Variants in KATNIP observed in about 807,000 individuals in gnomAD.
KATNIP encodes the protein katanin-interacting protein.
A neutral mutation model predicts 174.0 loss-of-function variants in KATNIP; 126 were observed. The observed-to-expected ratio is 0.72, with a 90% CI of 0.63 to 0.84. The LOEUF is 0.84. KATNIP is among the 40% of genes least tolerant of loss of function. The pLI, the probability that KATNIP is intolerant of heterozygous loss-of-function variation, is 0.00. For missense variants in KATNIP, 1,958 were observed against 2,109.7 expected, an observed-to-expected ratio of 0.93 and a Z score of 1.41; for synonymous variants, 810 against 835.7, an observed-to-expected ratio of 0.97 and a Z score of 0.53.
chr16:27,771,139 C>T (rs2082283441), intron 21 of KATNIP, among the ~76,000 whole-genome samples: 1 of 152,140 alleles, frequency 6.6e-6, no homozygotes, highest in Non-Finnish European at 1.5e-5. Context: ...ACAGCGTGGA[C>T]CCTCCTTGTG....
chr16:27,649,670 C>T (rs2077061168), intron 6 of KATNIP, among the ~76,000 whole-genome samples: 1 of 152,104 alleles, frequency 6.6e-6, no homozygotes, highest in African/African-American at 2.4e-5. Flanking sequence ...TGTTCTTAAG[C>T]AACCTGTGCT....
rs769863030 is a variant in KATNIP at position 27,740,418 on chromosome 16, G to T, written c.2121G>T (p.Ser707=). Residue 707 remains serine (S), a synonymous_variant, in exon 15 of 28, where the codon TCG becomes TCT. Coordinates refer to ENST00000261588, the MANE Select transcript of KATNIP (RefSeq NM_015202.5). ...TGAGACTGTCGGCAGTCCCCACTTC[G>T]ATGGGTGACATGCCCAGTGCTCCTG... is the stretch of plus-strand genomic sequence containing the variant. ...EYLRLSAVPT[S]MGDMPSAPAT... is the part of the protein sequence containing the mutation. 32 of 1,613,880 alleles carry T rather than the reference G, an allele frequency of 2.0e-5. No individual in the cohort carries two copies. In the East Asian group the frequency reaches 2.2e-4, roughly 11 times the overall value.
intron 2 of KATNIP, among the ~76,000 whole-genome samples, chr16:27,581,818 C>T (rs893745605): frequency 6.6e-6 from 1 of 152,186 alleles, no homozygotes; most frequent in Non-Finnish European, 1.5e-5. Context: ...GCTTAGCTCC[C>T]ACTTGTAAGT....
chr16:27,691,976 A>C (rs2078751282), intron 8 of KATNIP, among the ~76,000 whole-genome samples: 1 of 152,240 alleles, frequency 6.6e-6, no homozygotes, highest in African/African-American at 2.4e-5. Context: ...GCTATCTCAG[A>C]GGCCTCTTGT....
chr16:27,658,929 A>AT (rs545255424), intron 6 of KATNIP, among the ~76,000 whole-genome samples: 113 of 144,194 alleles, frequency 7.8e-4, no homozygotes, highest in South Asian at 1.3e-3. Context: ...TGCCCAGCTA[A>AT]TTTTTTTTTT....
intron 2 of KATNIP, among the ~76,000 whole-genome samples, chr16:27,601,220 CA>C (rs778185310): frequency 4.6e-5 from 7 of 152,154 alleles, no homozygotes; most frequent in Non-Finnish European, 1.0e-4. Flanking sequence ...CTGGGAGACA[CA>C]GCAGTGAGCA....
At chr16:27,609,088 A>C (rs565209240) in intron 2 of KATNIP, among the ~76,000 whole-genome samples, 111 of 152,194 alleles carry the variant, frequency 7.3e-4, no homozygotes, top group Non-Finnish European at 9.9e-4. Context: ...CCCAGGTAAC[A>C]TTTCAACTTT....
intron 5 of KATNIP, among the ~76,000 whole-genome samples, chr16:27,640,591 T>C (rs2076762171): frequency 6.6e-6 from 1 of 152,168 alleles, no homozygotes; most frequent in Non-Finnish European, 1.5e-5. Flanking sequence ...CTGGACCACA[T>C]TAATTTTGTC....
chr16:27,615,460 T>G (rs2076014251), intron 2 of KATNIP, among the ~76,000 whole-genome samples: 1 of 152,140 alleles, frequency 6.6e-6, no homozygotes, highest in Non-Finnish European at 1.5e-5. Flanking sequence ...GTTCAAGCGA[T>G]TCTCCTGCCT....
chr16:27,626,484 G>C (rs1380258427), intron 3 of KATNIP, among the ~76,000 whole-genome samples: 1 of 152,184 alleles, frequency 6.6e-6, no homozygotes, highest in Non-Finnish European at 1.5e-5. Flanking sequence ...AAGTTTGCCA[G>C]TTTCAACATC....
intron 19 of KATNIP, among the ~76,000 whole-genome samples, chr16:27,764,201 G>C (rs754513552): frequency 6.6e-6 from 1 of 152,198 alleles, no homozygotes; most frequent in Non-Finnish European, 1.5e-5. Flanking sequence ...ATTCAGATGG[G>C]AAAGGCAGCC....
At position 27,776,438 on chromosome 16, in the gene KATNIP, C is replaced by G. The variant is rs2082501441; in HGVS notation, c.4450-490C>G. ...CTAGACAGCCCCCTTTTTACTCCCCCAGCGGAGGTTCACAGACACGCCCTG... is the reference window on the plus strand; with the variant it reads ...CTAGACAGCCCCCTTTTTACTCCCCGAGCGGAGGTTCACAGACACGCCCTG... On this transcript the variant is annotated intron_variant, in intron 24 of 27. Coordinates refer to ENST00000261588, the MANE Select transcript of KATNIP (RefSeq NM_015202.5). This position sits in a 1 kb window ranked among gnomAD's most constrained non-coding sequence, Gnocchi z 4.7. 6.6e-6 allele frequency among the ~76,000 whole-genome samples: 1 copy of G among 152,202 alleles called. No individual in the cohort carries two copies. Among genetic ancestry groups the G allele is most frequent in the Non-Finnish European group, 1.5e-5 (1 of 68,036 alleles).
rs748977076 is a variant in KATNIP, at chr16:27,699,514, A to T, written c.1114-20A>T. The stretch of plus-strand genomic sequence containing the variant: ...AATGGCTTTGTTCCAACATCACATC[A>T]TGTGATCACATCCTTCCAGGATGCA... On this transcript the variant is annotated intron_variant, in intron 9 of 27. Coordinates refer to ENST00000261588, the MANE Select transcript of KATNIP (RefSeq NM_015202.5). 1.2e-6 allele frequency: 2 copies of T among 1,613,862 alleles called. No homozygotes were observed. The highest frequency in any genetic ancestry group is 1.7e-6 in the Non-Finnish European group (2 of 1,179,870).
At position 27,698,339 on chromosome 16, in the gene KATNIP, C is replaced by G. The variant is rs746719915; in HGVS notation, c.952C>G (p.Arg318Gly). Reference protein sequence around the residue: ...QERMCSRPGSRRERPLSATRK... With the variant: ...QERMCSRPGSGRERPLSATRK... ...TCTTCTGCCCTCAGGACCTGGAAGC[C>G]GGCGAGAGAGACCCCTGTCTGCAAC... The change falls in exon 9 of 28, where the codon CGG becomes GGG. Residue 318 changes from arginine to glycine, a missense_variant. Arg to Gly is a moderately radical substitution (Grantham distance 125). Around this residue, in one of 3 missense-constraint regions of KATNIP, gnomAD observed 1,557 missense variants for 1,617.8 expected, o/e 0.96. Coordinates refer to ENST00000261588, the MANE Select transcript of KATNIP (RefSeq NM_015202.5). 1.9e-6 allele frequency: 3 copies of G among 1,608,944 alleles called. No homozygotes were observed. The South Asian group carries it at 3.3e-5, about 18-fold the overall frequency.
intron 19 of KATNIP, among the ~76,000 whole-genome samples, chr16:27,763,888 G>A (rs1192278067): frequency 1.3e-5 from 2 of 152,074 alleles, no homozygotes; most frequent in Non-Finnish European, 2.9e-5. Flanking sequence ...CATCTCTATG[G>A]TATTGTTTAG....
chr16:27,771,990 T>C (rs2082324115), intron 22 of KATNIP, among the ~76,000 whole-genome samples: 1 of 152,090 alleles, frequency 6.6e-6, no homozygotes, highest in Admixed American at 6.5e-5. Context: ...AGAAATAACT[T>C]GGCAATCCAG....
intron 1 of KATNIP, among the ~76,000 whole-genome samples, chr16:27,558,145 T>C (rs2089706254): frequency 6.6e-6 from 1 of 152,170 alleles, no homozygotes; most frequent in East Asian, 1.9e-4. Flanking sequence ...CTTATTCTTT[T>C]TGTTTGTTTT....
intron 2 of KATNIP, among the ~76,000 whole-genome samples, chr16:27,609,116 G>A (rs1159778883): frequency 6.6e-6 from 1 of 152,034 alleles, no homozygotes; most frequent in African/African-American, 2.4e-5. Flanking sequence ...CTGCTCAAAT[G>A]TGTCCTCATG....
chr16:27,660,995 A>G (rs2077457924), intron 6 of KATNIP, among the ~76,000 whole-genome samples: 2 of 152,208 alleles, frequency 1.3e-5, no homozygotes, highest in Admixed American at 1.3e-4. Context: ...GATTGAATCA[A>G]TGAGTGAGTG....
Sources: allele counts gnomAD v4.1 joint callset (sites outside exome capture counted in the v4.1 genomes callset), GRCh38; gene constraint gnomAD v4.1.1; regional missense constraint gnomAD v4.1.1; non-coding constraint Gnocchi (gnomAD v3.1); transcripts MANE v1.5; gene names NCBI Gene and HGNC (gene_info 2026-07-23, HGNC 2026-07-21).